MBNL2: variants seen among roughly 807,000 people sequenced by gnomAD.
The protein encoded by MBNL2 is muscleblind like splicing regulator 2.
A neutral mutation model predicts 41.9 loss-of-function variants in MBNL2; 17 were observed. The observed-to-expected ratio is 0.41, with a 90% CI of 0.28 to 0.61. The LOEUF (loss-of-function observed/expected upper bound fraction) is 0.61, where lower values mean the gene tolerates loss of function less well. Among genes scored for constraint, MBNL2 ranks in the 20% least tolerant of loss-of-function variants. The probability of loss-of-function intolerance (pLI) is 0.35; values close to 1 mark genes in which losing one functional copy is unlikely to be tolerated. For missense variants in MBNL2, 336 were observed against 505.6 expected (o/e 0.66, Z 3.22); for synonymous variants, 195 against 182.9 (o/e 1.07, Z -0.53).
rs185283541 is a variant in MBNL2 at position 97,315,873 on chromosome 13, C to T, written c.175-18403C>T. Among the ~76,000 whole-genome samples, 14 of 151,872 alleles carry T rather than the reference C, an allele frequency of 9.2e-5. No individual in the cohort carries two copies. In the East Asian group the frequency reaches 1.9e-3, roughly 21 times the overall value. Reference sequence around the variant, plus strand: ...GGGTGAGGATGTGGAAGGCCTTGCTCGTGGGTGAGGCAGTTGGATGCGATT... The same window carrying T: ...GGGTGAGGATGTGGAAGGCCTTGCTTGTGGGTGAGGCAGTTGGATGCGATT... On this transcript the variant is annotated intron_variant, in intron 2 of 8. Coordinates refer to ENST00000679496, the MANE Select transcript of MBNL2 (RefSeq NM_001382683.1).
chr13:97,215,438 A>G, the MBNL2 span, among the ~76,000 whole-genome samples: 1 of 152,208 alleles, frequency 6.6e-6, no homozygotes, highest in Non-Finnish European at 1.5e-5. Context: ...ATAGAATCAC[A>G]CTTTGTTCCT....
chr13:97,275,017 T>C lies in MBNL2; in HGVS notation c.-604-615T>C, dbSNP rs117082718. ...GACTAAGGCACTGGGAATACAGAAA[T>C]GAAAACTACAAAGAATAGTCTTTGC... On this transcript the variant is annotated intron_variant, in intron 1 of 8. Transcript: ENST00000679496. Among the ~76,000 whole-genome samples the C allele has an allele frequency of 9.4e-3, 1,432 of 152,246 alleles. 14 individuals carry two copies. The highest frequency in any genetic ancestry group is 0.015 in the Non-Finnish European group (991 of 68,006).
At chr13:97,316,640 C>T (rs1427890172) in intron 2 of MBNL2, among the ~76,000 whole-genome samples, 1 of 152,154 alleles carries the variant, frequency 6.6e-6, no homozygotes, top group Non-Finnish European at 1.5e-5. Flanking sequence ...CTGGGATATG[C>T]TTCATCTGGA....
the MBNL2 span, among the ~76,000 whole-genome samples, chr13:97,171,711 T>C: frequency 8.7e-4 from 133 of 152,274 alleles, no homozygotes; most frequent in Admixed American, 1.6e-3. Context: ...GATGGACCTA[T>C]GTAAAATTCA....
chr13:97,161,958 G>C, the MBNL2 span, among the ~76,000 whole-genome samples: 1 of 152,162 alleles, frequency 6.6e-6, no homozygotes, highest in Non-Finnish European at 1.5e-5. Context: ...CCTGAGACTG[G>C]GTAATTTGTA....
At chr13:97,217,631 A>G (rs1440558090), upstream of MBNL2, among the ~76,000 whole-genome samples, 1 of 152,198 alleles carries the variant, frequency 6.6e-6, no homozygotes, top group Non-Finnish European at 1.5e-5. Flanking sequence ...AAGTTAGTTT[A>G]ATAATACTGG....
rs116906265 is a variant in MBNL2, at chr13:97,258,031, C to G, written c.-604-17601C>G. Among the ~76,000 whole-genome samples the G allele has an allele frequency of 4.5e-3, 681 of 152,144 alleles. 3 individuals carry two copies. Among genetic ancestry groups the G allele is most frequent in the Middle Eastern group, 0.014 (4 of 294 alleles). On this transcript the variant is annotated intron_variant, in intron 1 of 8. Transcript: ENST00000679496. ...GCAGGGAAGCAGAGCCCAATAGTGA[C>G]GAGCCTCTGAGGAGCGCCCCCCGTC...
chr13:97,322,514 T>G (rs2059589935), intron 2 of MBNL2, among the ~76,000 whole-genome samples: 1 of 152,204 alleles, frequency 6.6e-6, no homozygotes, highest in African/African-American at 2.4e-5. Flanking sequence ...AAATGCATTT[T>G]CAACATATAC....
At chr13:97,205,220 T>A in the MBNL2 span, among the ~76,000 whole-genome samples, 10 of 140,336 alleles carry the variant, frequency 7.1e-5, no homozygotes, top group Non-Finnish European at 1.4e-4. Context: ...TATATATTTA[T>A]ATTAAAAATA....
intron 2 of MBNL2, among the ~76,000 whole-genome samples, chr13:97,328,518 A>C (rs906697469): frequency 6.6e-6 from 1 of 152,196 alleles, no homozygotes; most frequent in Non-Finnish European, 1.5e-5. Context: ...AGTGCTGCCA[A>C]GGTGGCACTG....
upstream of MBNL2, chr13:97,221,351 A>G (rs1199421149): frequency 6.6e-6 from 1 of 151,434 alleles, no homozygotes; most frequent in African/African-American, 2.4e-5. Context: ...CAAGGCATAC[A>G]GAAATGCTGT....
intron 8 of MBNL2, among the ~76,000 whole-genome samples, chr13:97,367,356 A>G (rs2063933219): frequency 6.6e-6 from 1 of 152,148 alleles, no homozygotes; most frequent in Admixed American, 6.5e-5. Context: ...AGTGAGCAGA[A>G]ACTCTCACCT....
At chr13:97,170,251 T>C in the MBNL2 span, among the ~76,000 whole-genome samples, 12 of 152,250 alleles carry the variant, frequency 7.9e-5, no homozygotes, top group Non-Finnish European at 1.5e-4. Context: ...ATGATACTGA[T>C]AATTACCACT....
the MBNL2 span, among the ~76,000 whole-genome samples, chr13:97,191,893 A>G: frequency 6.6e-6 from 1 of 152,252 alleles, no homozygotes; most frequent in African/African-American, 2.4e-5. Flanking sequence ...TCAAAGAAAG[A>G]GAAGAAAATG....
chr13:97,199,540 T>G, the MBNL2 span, among the ~76,000 whole-genome samples: 1 of 152,334 alleles, frequency 6.6e-6, no homozygotes, highest in East Asian at 1.9e-4. Context: ...AGACAACCAT[T>G]ATCGAACACA....
the MBNL2 span, among the ~76,000 whole-genome samples, chr13:97,207,978 T>A: frequency 6.6e-6 from 1 of 152,364 alleles, no homozygotes; most frequent in African/African-American, 2.4e-5. Context: ...CTCCCTTGAC[T>A]CTATGTCTCA....
chr13:97,212,120 T>A, the MBNL2 span, among the ~76,000 whole-genome samples: 1 of 152,192 alleles, frequency 6.6e-6, no homozygotes, highest in East Asian at 1.9e-4. Flanking sequence ...TGGTGCCCTT[T>A]GTACAAAGAG....
chr13:97,271,964 T>C (rs1332562863), intron 1 of MBNL2, among the ~76,000 whole-genome samples: 2 of 152,216 alleles, frequency 1.3e-5, no homozygotes, highest in Non-Finnish European at 2.9e-5. Flanking sequence ...TTGGGTCAAA[T>C]GGTGTTTCTG....
At chr13:97,351,132 G>A (rs552565303) in intron 5 of MBNL2, among the ~76,000 whole-genome samples, 11 of 152,282 alleles carry the variant, frequency 7.2e-5, no homozygotes, top group African/African-American at 2.6e-4. Context: ...ATCTCCACTG[G>A]AGCCCTTGGG....
Sources: allele counts gnomAD v4.1 joint callset (sites outside exome capture counted in the v4.1 genomes callset), GRCh38; gene constraint gnomAD v4.1.1; transcripts MANE v1.5; gene names NCBI Gene and HGNC (gene_info 2026-07-23, HGNC 2026-07-21).